The following ADARB2 variants were observed in gnomAD, a reference collection of about 807,000 sequenced individuals.
ADARB2 encodes the protein adenosine deaminase RNA specific B2 (inactive).
Under a neutral mutation model 62.2 loss-of-function variants are expected in ADARB2, and 25 were observed. That is an observed-to-expected ratio of 0.40 (90% CI 0.29 to 0.56). The LOEUF (loss-of-function observed/expected upper bound fraction) is 0.56. Ranked by LOEUF, ADARB2 falls within the 20% of genes least tolerant of loss-of-function variation. The pLI is 0.43. For synonymous variants in ADARB2, 572 were observed against 500.8 expected (o/e 1.14, Z -1.90); for missense variants, 1,071 against 1,077.4 (o/e 0.99, Z 0.08).
chr10:1,285,936 C>A (rs1259866610), intron 3 of ADARB2, among the ~76,000 whole-genome samples: 1 of 152,150 alleles, frequency 6.6e-6, no homozygotes, highest in Non-Finnish European at 1.5e-5. Context: ...CTGTTGAAAT[C>A]CTGTCTTTGG....
At chr10:1,569,216 G>A (rs1174803942) in intron 1 of ADARB2, among the ~76,000 whole-genome samples, 1 of 152,048 alleles carries the variant, frequency 6.6e-6, no homozygotes, top group Non-Finnish European at 1.5e-5. Context: ...GGCAGAGAGA[G>A]AGACAGTGAC....
At chr10:1,373,258 T>A (rs1271299336) in intron 2 of ADARB2, among the ~76,000 whole-genome samples, 1 of 152,052 alleles carries the variant, frequency 6.6e-6, no homozygotes. Flanking sequence ...TCTGTGTCTC[T>A]CTCGGTCTTT....
Position 1,523,706 on chromosome 10 carries a change from A to T in ADARB2, c.101-144546T>A, listed in dbSNP as rs1346398585. ...TTTAGAGTATCACTGAAATAAAATC[A>T]AAATGTTTTACCTTGAGGCTTAATT... On this transcript the variant is annotated intron_variant, in intron 1 of 9. Transcript: ENST00000381312. Among the ~76,000 whole-genome samples the T allele has an allele frequency of 2.6e-5, 4 of 152,206 alleles. No individual in the cohort carries two copies. The South Asian group carries it at 8.3e-4, about 32-fold the overall frequency.
intron 4 of ADARB2, among the ~76,000 whole-genome samples, chr10:1,266,039 G>C (rs1831195627): frequency 7.5e-6 from 1 of 132,484 alleles, no homozygotes; most frequent in Admixed American, 7.5e-5. Context: ...GGGTCCCCCG[G>C]AAGACGGCCT....
intron 2 of ADARB2, among the ~76,000 whole-genome samples, chr10:1,371,272 C>T (rs955237859): frequency 6.6e-6 from 1 of 152,198 alleles, no homozygotes; most frequent in Admixed American, 6.5e-5. Flanking sequence ...CCCTATCTCT[C>T]ACCATATACA....
chr10:1,493,529 A>G (rs1035656691), intron 1 of ADARB2, among the ~76,000 whole-genome samples: 3 of 152,078 alleles, frequency 2.0e-5, no homozygotes, highest in Non-Finnish European at 2.9e-5. Context: ...GCAAGTTCAC[A>G]CTTGATTCAT....
At chr10:1,519,388 G>A (rs1389724697) in intron 1 of ADARB2, among the ~76,000 whole-genome samples, 1 of 152,234 alleles carries the variant, frequency 6.6e-6, no homozygotes, top group Non-Finnish European at 1.5e-5. Context: ...ACTGCAGGTG[G>A]TGTGGTCATA....
At chr10:1,505,239 G>T (rs773408164) in intron 1 of ADARB2, among the ~76,000 whole-genome samples, 1 of 152,016 alleles carries the variant, frequency 6.6e-6, no homozygotes, top group Non-Finnish European at 1.5e-5. Flanking sequence ...ACACACCAAT[G>T]ACAAATCAGC....
intron 4 of ADARB2, among the ~76,000 whole-genome samples, chr10:1,253,995 A>T (rs561232125): frequency 6.8e-6 from 1 of 147,334 alleles, no homozygotes; most frequent in African/African-American, 2.5e-5. Context: ...CTCTGTGGTT[A>T]GGTTAGAATA....
chr10:1,426,944 C>T lies in ADARB2; in HGVS notation c.101-47784G>A, dbSNP rs917210372. ...ACCCCTGTCCCCAAACCCTGCCCAT[C>T]GGGAAGAGGCCACAGAGCTATGTGT... On this transcript the variant is annotated intron_variant, in intron 1 of 9. Coordinates refer to ENST00000381312, the MANE Select transcript of ADARB2 (RefSeq NM_018702.4). The surrounding 1 kb of genome is among the most constrained non-coding windows in gnomAD (Gnocchi z 4.1). Among the ~76,000 whole-genome samples, 3 of 152,264 alleles carry T rather than the reference C, an allele frequency of 2.0e-5. No individual in the cohort carries two copies. The highest frequency in any genetic ancestry group is 1.9e-4 in the East Asian group (1 of 5,198).
At chr10:1,346,648 C>A (rs1266506655) in intron 3 of ADARB2, among the ~76,000 whole-genome samples, 1 of 152,240 alleles carries the variant, frequency 6.6e-6, no homozygotes, top group Non-Finnish European at 1.5e-5. Context: ...TACTAGGGAA[C>A]TAAAGGCAAG....
intron 7 of ADARB2, among the ~76,000 whole-genome samples, chr10:1,201,677 A>G (rs1459880766): frequency 6.7e-6 from 1 of 149,664 alleles, no homozygotes; most frequent in African/African-American, 2.5e-5. Context: ...GTCTGCCTGG[A>G]TGTCGGATGG....
At chr10:1,516,060 C>T (rs1157542944) in intron 1 of ADARB2, among the ~76,000 whole-genome samples, 2 of 152,188 alleles carry the variant, frequency 1.3e-5, no homozygotes, top group Non-Finnish European at 2.9e-5. Flanking sequence ...GCCCAGAGGA[C>T]GGCCCTACTG....
chr10:1,326,348 C>G (rs900652764), intron 3 of ADARB2, among the ~76,000 whole-genome samples: 2 of 152,174 alleles, frequency 1.3e-5, no homozygotes, highest in Admixed American at 6.5e-5. Flanking sequence ...CAGGTGGGCA[C>G]CCATGGAGGG....
At chr10:1,627,125 C>T (rs1057483306) in intron 1 of ADARB2, among the ~76,000 whole-genome samples, 3 of 152,140 alleles carry the variant, frequency 2.0e-5, no homozygotes, top group African/African-American at 7.2e-5. Context: ...GCCGGGCCCT[C>T]GGGTGAATCG....
chr10:1,287,375 T>G (rs1831423691), intron 3 of ADARB2, among the ~76,000 whole-genome samples: 1 of 152,208 alleles, frequency 6.6e-6, no homozygotes, highest in South Asian at 2.1e-4. Flanking sequence ...CCTCAAAGAC[T>G]TACTGTAATG....
chr10:1,353,875 C>A (rs562611500), intron 3 of ADARB2, among the ~76,000 whole-genome samples: 1 of 152,292 alleles, frequency 6.6e-6, no homozygotes, highest in African/African-American at 2.4e-5. Context: ...CCATCCTTGG[C>A]TACCTTCCCC....
At chr10:1,551,972 G>A (rs1588299193) in intron 1 of ADARB2, among the ~76,000 whole-genome samples, 1 of 151,322 alleles carries the variant, frequency 6.6e-6, no homozygotes, top group African/African-American at 2.4e-5. Context: ...CCCCAGGGGG[G>A]CGGAGTGAGG....
chr10:1,633,018 G>A (rs180729308), intron 1 of ADARB2, among the ~76,000 whole-genome samples: 4 of 152,262 alleles, frequency 2.6e-5, no homozygotes, highest in South Asian at 2.1e-4. Context: ...AGGGTGGATC[G>A]CCTCTGCTGG....
Sources: allele counts gnomAD v4.1 joint callset (sites outside exome capture counted in the v4.1 genomes callset), GRCh38; gene constraint gnomAD v4.1.1; non-coding constraint Gnocchi (gnomAD v3.1); transcripts MANE v1.5; gene names NCBI Gene and HGNC (gene_info 2026-07-23, HGNC 2026-07-21).